The following GSE1 variants were observed in gnomAD, a reference collection of about 807,000 sequenced individuals.
The protein encoded by GSE1 is Gse1 coiled-coil protein.
A neutral mutation model predicts 112.6 loss-of-function variants in GSE1; 32 were observed. The observed-to-expected ratio is 0.28, with a 90% CI of 0.21 to 0.38. The LOEUF is 0.38. GSE1 is among the 10% of genes least tolerant of loss of function. GSE1 has a pLI of 1.00. For synonymous variants in GSE1, 1,115 were observed against 735.6 expected (o/e 1.52, Z -8.35); for missense variants, 2,348 against 1,699.2 (o/e 1.38, Z -6.71).
In GSE1 at chr16:85,673,904, G is replaced by C. The variant is rs747211838; in HGVS notation, c.*1365G>C. The C allele has an allele frequency of 2.0e-5, 3 of 152,036 alleles. No homozygotes were observed. Among genetic ancestry groups the C allele is most frequent in the Admixed American group, 6.5e-5 (1 of 15,276 alleles). 9.4% of individuals were successfully genotyped at this position (152,036 alleles called of 1,614,324 possible). On this transcript the variant is annotated 3_prime_UTR_variant, in exon 16 of 16. Coordinates refer to ENST00000253458, the MANE Select transcript of GSE1 (RefSeq NM_014615.5). ...GGAACTTCAGAGGCTTTGTTTAAAC[G>C]CAAAGCTTTGTAAAAGCCACAAGGT...
intron 1 of GSE1, among the ~76,000 whole-genome samples, chr16:85,218,782 A>G (rs1261605685): frequency 2.6e-5 from 4 of 152,238 alleles, no homozygotes; most frequent in Admixed American, 2.0e-4. Context: ...CACAGCTTCC[A>G]GCGTGCAGTA....
At chr16:85,525,618 G>C (rs536033403) in intron 2 of GSE1, among the ~76,000 whole-genome samples, 5 of 152,218 alleles carry the variant, frequency 3.3e-5, no homozygotes, top group Non-Finnish European at 7.3e-5. Context: ...TAACGTCACA[G>C]AGCCCAGACT....
intron 1 of GSE1, among the ~76,000 whole-genome samples, chr16:85,575,527 C>T (rs1467066202): frequency 1.3e-5 from 2 of 152,108 alleles, no homozygotes; most frequent in Non-Finnish European, 2.9e-5. Flanking sequence ...TGGGCTTTCA[C>T]ATTTTATTTT....
rs193137595 is a variant in GSE1 at position 85,419,164 on chromosome 16, C to T, written c.2464+61521C>T. Among the ~76,000 whole-genome samples the T allele has an allele frequency of 6.5e-4, 99 of 152,190 alleles. No homozygotes were observed. Among genetic ancestry groups the T allele is most frequent in the Non-Finnish European group, 1.0e-3 (70 of 68,004 alleles). ...AGTGACGTGATGGGAGCCCAGGCAC[C>T]GAGCCTGGGGATTCTGACAGTCAGA... On this transcript the variant is annotated intron_variant, in intron 2 of 2. Transcript: ENST00000637419. This position sits in a 1 kb window ranked among gnomAD's most constrained non-coding sequence, Gnocchi z 6.5.
Position 85,237,846 on chromosome 16 carries a change from A to AAG in GSE1, c.2283+66040_2283+66041insGA, listed in dbSNP as rs1904823092. Among the ~76,000 whole-genome samples, 4 of 151,732 alleles carry AAG rather than the reference A, an allele frequency of 2.6e-5. No homozygotes were observed. The South Asian group carries it at 8.4e-4, about 32-fold the overall frequency. On this transcript the variant is annotated intron_variant, in intron 1 of 2. Coordinates refer to the GSE1 transcript ENST00000637419. ...GAGCAAGACTCTGTCCCCCGCAAAA[A>AAG]AAAAGAAAAAAAAAAAGAAAGTGAG...
At position 85,661,345 on chromosome 16, in the gene GSE1, C is replaced by T. The variant is rs2052412573; in HGVS notation, c.1840C>T (p.Pro614Ser). ...SLHSHPAAFE[P>S]SRQAAVPLVK... ...GCACAGCCACCCGGCTGCATTTGAGCCCAGCCGCCAGGCAGCCGTGCCGCT... is the reference window on the plus strand; with the variant it reads ...GCACAGCCACCCGGCTGCATTTGAGTCCAGCCGCCAGGCAGCCGTGCCGCT... The change falls in exon 9 of 16, where the codon CCC (proline) becomes TCC (serine). Residue 614 changes from proline to serine, a missense_variant. Coordinates refer to ENST00000253458, the MANE Select transcript of GSE1 (RefSeq NM_014615.5). The T allele has an allele frequency of 1.2e-6, 2 of 1,612,036 alleles. No individual in the cohort carries two copies. The highest frequency in any genetic ancestry group is 1.1e-5 in the South Asian group (1 of 91,008).
intron 2 of GSE1, among the ~76,000 whole-genome samples, chr16:85,370,128 A>G (rs952025694): frequency 1.3e-4 from 20 of 152,138 alleles, no homozygotes; most frequent in African/African-American, 4.1e-4. Context: ...GGTGCAGTTT[A>G]GCGTTTTCCC....
upstream of GSE1, among the ~76,000 whole-genome samples, chr16:85,552,559 C>T (rs574646083): frequency 1.3e-5 from 2 of 149,974 alleles, no homozygotes; most frequent in African/African-American, 2.4e-5. Context: ...GTCTCGATCT[C>T]CTGACCTCGT....
chr16:85,533,309 A>T (rs1482590360), intron 2 of GSE1, among the ~76,000 whole-genome samples: 1 of 151,802 alleles, frequency 6.6e-6, no homozygotes, highest in Non-Finnish European at 1.5e-5. Flanking sequence ...AATCCCAACT[A>T]CTCAGGAGGC....
intron 1 of GSE1, among the ~76,000 whole-genome samples, chr16:85,218,866 C>T (rs2075345507): frequency 6.6e-6 from 1 of 152,162 alleles, no homozygotes; most frequent in African/African-American, 2.4e-5. Context: ...CCTATGTATT[C>T]TGACAGTCCA....
chr16:85,268,401 G>T (rs1323462267), intron 1 of GSE1, among the ~76,000 whole-genome samples: 1 of 152,142 alleles, frequency 6.6e-6, no homozygotes, highest in African/African-American at 2.4e-5. Flanking sequence ...GATCCCCTCT[G>T]CATCGTGCAC....
At chr16:85,317,081 A>C (rs756200472) in intron 1 of GSE1, among the ~76,000 whole-genome samples, 1 of 152,144 alleles carries the variant, frequency 6.6e-6, no homozygotes, top group Non-Finnish European at 1.5e-5. Context: ...CCATCTTGCC[A>C]TGTGTCTATT....
At chr16:85,316,847 G>A (rs1421866285) in intron 1 of GSE1, among the ~76,000 whole-genome samples, 6 of 152,182 alleles carry the variant, frequency 3.9e-5, no homozygotes, top group African/African-American at 7.2e-5. Flanking sequence ...AGGGAACCCC[G>A]CCCGGCGTGG....
chr16:85,615,097 T>G (rs1182867132), intron 1 of GSE1, among the ~76,000 whole-genome samples: 1 of 152,058 alleles, frequency 6.6e-6, no homozygotes, highest in East Asian at 1.9e-4. Context: ...CCTCCCTCGG[T>G]GTTGCTTAAG....
intron 1 of GSE1, among the ~76,000 whole-genome samples, chr16:85,604,558 A>G (rs1328508303): frequency 1.3e-5 from 2 of 150,296 alleles, no homozygotes; most frequent in East Asian, 2.0e-4. Flanking sequence ...ATAATATTCC[A>G]TTGTACACAG....
chr16:85,671,224 A>C lies in GSE1; in HGVS notation c.3519+126A>C, dbSNP rs1023172411. The C allele has an allele frequency of 4.5e-5, 25 of 551,858 alleles. No homozygotes were observed. In the Admixed American group the frequency reaches 8.2e-4, roughly 18 times the overall value. 34.2% of individuals were successfully genotyped at this position (551,858 alleles called of 1,614,324 possible). Reference sequence around the variant, plus strand: ...AGAGATCAAAATTTGGCGGATCACGAGGTCAGGAGATCGAGACCATCCCGG... The same window carrying C: ...AGAGATCAAAATTTGGCGGATCACGCGGTCAGGAGATCGAGACCATCCCGG... On this transcript the variant is annotated intron_variant, in intron 15 of 15. Coordinates refer to ENST00000253458, the MANE Select transcript of GSE1 (RefSeq NM_014615.5).
intron 1 of GSE1, among the ~76,000 whole-genome samples, chr16:85,323,330 A>G (rs2046155506): frequency 6.6e-6 from 1 of 152,186 alleles, no homozygotes; most frequent in Non-Finnish European, 1.5e-5. Flanking sequence ...ATGGCAAGAT[A>G]GAATTAGTGG....
At chr16:85,500,894 C>T (rs866489553) in intron 2 of GSE1, among the ~76,000 whole-genome samples, 3 of 152,114 alleles carry the variant, frequency 2.0e-5, no homozygotes, top group African/African-American at 4.8e-5. Flanking sequence ...CCTCTGTCAG[C>T]ACGTGGCTGT....
At chr16:85,404,664 C>CT (rs1466612879) in intron 2 of GSE1, among the ~76,000 whole-genome samples, 1 of 62,868 alleles carries the variant, frequency 1.6e-5, no homozygotes, top group African/African-American at 9.6e-5. Context: ...CTCAGGGCCC[C>CT]CTGGATAATC....
Sources: allele counts gnomAD v4.1 joint callset (sites outside exome capture counted in the v4.1 genomes callset), GRCh38; gene constraint gnomAD v4.1.1; non-coding constraint Gnocchi (gnomAD v3.1); transcripts MANE v1.5; gene names NCBI Gene and HGNC (gene_info 2026-07-23, HGNC 2026-07-21).